EED: variants seen among roughly 807,000 people sequenced by gnomAD.
EED encodes the protein embryonic ectoderm development.
In EED, 9 loss-of-function variants were observed where a neutral mutation model predicts 61.0. The ratio of observed to expected loss-of-function variants is 0.15; its 90% CI spans 0.09 to 0.26. The LOEUF is 0.26. EED is among the 10% of genes least tolerant of loss of function. The pLI is 1.00. For synonymous variants in EED, 187 were observed against 174.4 expected (o/e 1.07, Z -0.57); for missense variants, 315 against 542.3 (o/e 0.58, Z 4.16).
intron 2 of EED, among the ~76,000 whole-genome samples, chr11:86,250,718 A>G (rs1393274831): frequency 6.6e-6 from 1 of 152,104 alleles, no homozygotes; most frequent in Non-Finnish European, 1.5e-5. Context: ...CATTCAAATT[A>G]TAAGATTTGG....
At chr11:86,277,596 A>G (rs1202420759) in intron 10 of EED, 1 of 196,188 alleles carries the variant, frequency 5.1e-6, no homozygotes, top group African/African-American at 2.3e-5. Context: ...TTTCTGTAAG[A>G]AAAGTTTGGA....
chr11:86,258,669 C>G (rs545285355), intron 6 of EED, among the ~76,000 whole-genome samples: 1 of 151,268 alleles, frequency 6.6e-6, no homozygotes, highest in East Asian at 1.9e-4. Flanking sequence ...GATTCTCCTG[C>G]CTCAGCCTCT....
At chr11:86,252,309 T>TA in intron 3 of EED, 69 bp downstream of exon 3, 2 of 1,115,826 alleles carry the variant, frequency 1.8e-6, no homozygotes, top group Admixed American at 2.1e-5. Flanking sequence ...AATATTGAAA[T>TA]AGAATAATTT....
intron 3 of EED, among the ~76,000 whole-genome samples, chr11:86,252,741 G>A (rs1286096383): frequency 6.6e-6 from 1 of 151,528 alleles, no homozygotes; most frequent in African/African-American, 2.4e-5. Context: ...GTGTTTGGTG[G>A]TGATTGTTGT....
chr11:86,245,228 A>T lies in EED; in HGVS notation c.-2A>T. On this transcript the variant is annotated 5_prime_UTR_variant, in exon 1 of 12. Coordinates refer to ENST00000263360, the MANE Select transcript of EED (RefSeq NM_003797.5). ...CAGGAACCTGGAGGGAGGCGGAGGA[A>T]TATGTCCGAGAGGGAAGTGTCGACT... 1.2e-6 allele frequency: 2 copies of T among 1,611,346 alleles called. No homozygotes were observed. The highest frequency in any genetic ancestry group is 2.2e-5 in the South Asian group (2 of 90,974).
chr11:86,274,824 G>T (rs1946192070), intron 9 of EED, among the ~76,000 whole-genome samples: 1 of 152,198 alleles, frequency 6.6e-6, no homozygotes, highest in Non-Finnish European at 1.5e-5. Flanking sequence ...TCACCCCATT[G>T]CTATAAGAGG....
chr11:86,256,371 CTG>C lies in EED; in HGVS notation c.427-13_427-12del. 2.6e-6 allele frequency: 4 copies of C among 1,552,914 alleles called. No individual in the cohort carries two copies. Among genetic ancestry groups the C allele is most frequent in the South Asian group, 1.2e-5 (1 of 82,648 alleles). On this transcript the variant is annotated splice_polypyrimidine_tract_variant and intron_variant, in intron 4 of 11. Coordinates refer to ENST00000263360, the MANE Select transcript of EED (RefSeq NM_003797.5). ...TTTTCAAAAACATTATGTTTCTTAA[CTG>C]TGGAATTTCTTAGGCTGATGAAAAC...
In EED at chr11:86,275,528, G is replaced by A. The variant is rs540265830; in HGVS notation, c.967-1452G>A. 2.6e-5 allele frequency among the ~76,000 whole-genome samples: 4 copies of A among 152,348 alleles called. 1 individual carries two copies. Among genetic ancestry groups the A allele is most frequent in the African/African-American group, 7.2e-5 (3 of 41,588 alleles). Reference sequence around the variant, plus strand: ...AAAAGCTCTTAGATGATTTTGAAGTGCAGCCATCCATTAGCTCTGGCAACA... The same window carrying A: ...AAAAGCTCTTAGATGATTTTGAAGTACAGCCATCCATTAGCTCTGGCAACA... On this transcript the variant is annotated intron_variant, in intron 9 of 11. Transcript: ENST00000263360.
intron 1 of EED, among the ~76,000 whole-genome samples, chr11:86,246,916 G>A (rs1945405874): frequency 6.6e-6 from 1 of 152,166 alleles, no homozygotes; most frequent in African/African-American, 2.4e-5. Context: ...CATTAAATGA[G>A]TTAATATAGC....
intron 1 of EED, among the ~76,000 whole-genome samples, chr11:86,246,483 A>G (rs1420190390): frequency 6.6e-6 from 1 of 152,198 alleles, no homozygotes; most frequent in Non-Finnish European, 1.5e-5. Context: ...ACATATAATG[A>G]TGTCATGACT....
chr11:86,259,246 A>C (rs1282748858), intron 6 of EED, among the ~76,000 whole-genome samples: 1 of 98,594 alleles, frequency 1.0e-5, no homozygotes, highest in East Asian at 2.4e-4. Flanking sequence ...TTTGAGCATG[A>C]ATAAGAATTT....
At chr11:86,275,188 C>A (rs1946201088) in intron 9 of EED, among the ~76,000 whole-genome samples, 4 of 152,138 alleles carry the variant, frequency 2.6e-5, no homozygotes, top group Non-Finnish European at 5.9e-5. Flanking sequence ...TTTTCTCTAC[C>A]TTTCCAAGTC....
chr11:86,248,964 A>C (rs917782124), intron 1 of EED, among the ~76,000 whole-genome samples: 2 of 152,178 alleles, frequency 1.3e-5, no homozygotes, highest in African/African-American at 4.8e-5. Context: ...CGTTGAACCA[A>C]GGACAGAGTG....
downstream of EED, among the ~76,000 whole-genome samples, chr11:86,280,347 A>AG (rs1946308623): frequency 6.6e-6 from 1 of 152,206 alleles, no homozygotes; most frequent in Non-Finnish European, 1.5e-5. Flanking sequence ...TGAAAGATCC[A>AG]GGAGTCAGAA....
At chr11:86,254,902 T>C (rs1454682381) in intron 3 of EED, among the ~76,000 whole-genome samples, 1 of 152,260 alleles carries the variant, frequency 6.6e-6, no homozygotes, top group Non-Finnish European at 1.5e-5. Flanking sequence ...ATTACAGGCG[T>C]GAGCCACCGT....
downstream of EED, among the ~76,000 whole-genome samples, chr11:86,281,087 GT>G (rs1167723887): frequency 2.6e-5 from 4 of 152,168 alleles, no homozygotes; most frequent in African/African-American, 9.7e-5. Context: ...TTTGTTGAGT[GT>G]TTTTGTATTT....
intron 3 of EED, among the ~76,000 whole-genome samples, chr11:86,254,071 A>G (rs1192376542): frequency 2.7e-5 from 4 of 148,334 alleles, no homozygotes; most frequent in Non-Finnish European, 5.9e-5. Context: ...AAAAAAAAAA[A>G]AAAAGAAAAT....
intron 4 of EED, 25 bp downstream of exon 4, chr11:86,255,312 T>C: frequency 6.4e-7 from 1 of 1,567,070 alleles, no homozygotes. Context: ...GTTTTTAATA[T>C]CTTTAGTCAA....
chr11:86,266,586 T>A (rs1478605913), intron 8 of EED, among the ~76,000 whole-genome samples: 1 of 152,170 alleles, frequency 6.6e-6, no homozygotes, highest in Non-Finnish European at 1.5e-5. Flanking sequence ...TAACTTTTTT[T>A]AAATGATGCT....
Sources: gnomAD v4.1 joint callset for allele counts (sites outside exome capture counted in the v4.1 genomes callset) on GRCh38, gnomAD v4.1.1 for gene constraint, MANE v1.5 for transcripts, NCBI Gene and HGNC (gene_info 2026-07-23, HGNC 2026-07-21) for gene names.